Variants in LHFPL3 observed in about 807,000 individuals in gnomAD.
LHFPL3 encodes LHFPL tetraspan subfamily member 3, also known as LHFPL tetraspan subfamily member 3 protein.
Under a neutral mutation model 19.3 loss-of-function variants are expected in LHFPL3, and 5 were observed. The observed-to-expected ratio is 0.26, with a 90% CI of 0.14 to 0.54. The LOEUF (loss-of-function observed/expected upper bound fraction) is 0.54. LHFPL3 is among the 20% of genes least tolerant of loss of function. The probability of loss-of-function intolerance (pLI) is 0.94; values close to 1 mark genes in which losing one functional copy is unlikely to be tolerated. For missense variants in LHFPL3, 249 were observed against 307.4 expected (o/e 0.81, Z 1.42); for synonymous variants, 133 against 126.2 (o/e 1.05, Z -0.36).
rs182090746 is a variant in LHFPL3, at chr7:104,610,782, A to G, written c.446-125893A>G. ...GCTCATCTCATCCAGAAACACCCTC[A>G]TAGGCACACCCAGAAATAATGTTTA... On this transcript the variant is annotated intron_variant, in intron 1 of 2. Transcript: ENST00000424859. Among the ~76,000 whole-genome samples, 330 of 152,356 alleles carry G rather than the reference A, an allele frequency of 2.2e-3. 2 individuals are homozygous for G. Among genetic ancestry groups the G allele is most frequent in the African/African-American group, 7.1e-3 (296 of 41,594 alleles).
At chr7:104,573,436 AG>A in intron 1 of LHFPL3, among the ~76,000 whole-genome samples, 1 of 152,170 alleles carries the variant, frequency 6.6e-6, no homozygotes, top group African/African-American at 2.4e-5. Flanking sequence ...AAAGTAAGAA[AG>A]AAAAGACAAA....
intron 1 of LHFPL3, among the ~76,000 whole-genome samples, chr7:104,707,565 C>T (rs1156967194): frequency 1.3e-5 from 2 of 152,194 alleles, no homozygotes; most frequent in Non-Finnish European, 2.9e-5. Context: ...GAGAGAGGCT[C>T]TGCTGGGACC....
At chr7:104,525,687 A>T (rs1478118154) in intron 1 of LHFPL3, among the ~76,000 whole-genome samples, 14 of 150,730 alleles carry the variant, frequency 9.3e-5, no homozygotes, top group African/African-American at 3.4e-4. Context: ...GCTCACTGCA[A>T]CCTCCGCCTC....
At chr7:104,331,358 C>T (rs965489901) in intron 1 of LHFPL3, among the ~76,000 whole-genome samples, 3 of 152,062 alleles carry the variant, frequency 2.0e-5, no homozygotes, top group Non-Finnish European at 2.9e-5. Flanking sequence ...TGGAGAAGTC[C>T]GGATCCTTAA....
intron 1 of LHFPL3, among the ~76,000 whole-genome samples, chr7:104,673,371 C>T (rs921673050): frequency 2.0e-5 from 3 of 152,160 alleles, no homozygotes; most frequent in Non-Finnish European, 2.9e-5. Flanking sequence ...TGTATGTTCT[C>T]GTCTAACACT....
intron 1 of LHFPL3, among the ~76,000 whole-genome samples, chr7:104,366,938 T>G (rs955939251): frequency 4.6e-5 from 7 of 152,132 alleles, no homozygotes; most frequent in Non-Finnish European, 7.4e-5. Context: ...TAAATGTAGG[T>G]TTTTTTCTCA....
At chr7:104,577,646 G>T (rs1028376169) in intron 1 of LHFPL3, among the ~76,000 whole-genome samples, 2 of 152,084 alleles carry the variant, frequency 1.3e-5, no homozygotes, top group Non-Finnish European at 2.9e-5. Flanking sequence ...GTGTCACTCT[G>T]ATATTGACTG....
chr7:104,406,601 A>G (rs1248286645), intron 1 of LHFPL3, among the ~76,000 whole-genome samples: 2 of 152,248 alleles, frequency 1.3e-5, no homozygotes, highest in Non-Finnish European at 2.9e-5. Context: ...CCCAGAGCCC[A>G]TGATCTTTCC....
intron 2 of LHFPL3, among the ~76,000 whole-genome samples, chr7:104,876,474 C>G (rs561776548): frequency 4.2e-4 from 64 of 151,888 alleles, no homozygotes; most frequent in Admixed American, 1.2e-3. Context: ...AGGATATGAA[C>G]AGACACTTCT....
chr7:104,329,492 C>A (rs1307432104), intron 1 of LHFPL3, among the ~76,000 whole-genome samples: 1 of 152,228 alleles, frequency 6.6e-6, no homozygotes, highest in Non-Finnish European at 1.5e-5. Context: ...GGAGGCAGGG[C>A]GGTTGTGGGG....
At chr7:104,616,433 A>G (rs545085526) in intron 1 of LHFPL3, among the ~76,000 whole-genome samples, 13 of 152,338 alleles carry the variant, frequency 8.5e-5, no homozygotes, top group African/African-American at 3.1e-4. Flanking sequence ...CTGGCTAGCC[A>G]TATGCAGAAA....
intron 1 of LHFPL3, among the ~76,000 whole-genome samples, chr7:104,360,367 T>A (rs1234873624): frequency 6.6e-6 from 1 of 152,204 alleles, no homozygotes; most frequent in Non-Finnish European, 1.5e-5. Context: ...TGTCATACTT[T>A]ATCGTACCTG....
chr7:104,384,765 C>T (rs1318547512), intron 1 of LHFPL3, among the ~76,000 whole-genome samples: 2 of 102,806 alleles, frequency 1.9e-5, no homozygotes, highest in Non-Finnish European at 3.7e-5. Flanking sequence ...CCAGCCTAGG[C>T]AACAAGAGTG....
chr7:104,681,623 A>G (rs1792706226), intron 1 of LHFPL3, among the ~76,000 whole-genome samples: 1 of 151,014 alleles, frequency 6.6e-6, no homozygotes, highest in Non-Finnish European at 1.5e-5. Context: ...CTAAGGCTCA[A>G]AAAAAAAAGG....
intron 1 of LHFPL3, among the ~76,000 whole-genome samples, chr7:104,591,609 C>G (rs1013212791): frequency 2.6e-5 from 4 of 152,102 alleles, no homozygotes; most frequent in African/African-American, 4.8e-5. Context: ...TTGCTCTTCT[C>G]GAGGAGTATC....
intron 1 of LHFPL3, among the ~76,000 whole-genome samples, chr7:104,734,241 A>G: frequency 6.6e-6 from 1 of 151,956 alleles, no homozygotes; most frequent in Non-Finnish European, 1.5e-5. Flanking sequence ...CATTCTCTGT[A>G]TCTCCTGAAT....
chr7:104,360,587 T>C (rs1268894417), intron 1 of LHFPL3, among the ~76,000 whole-genome samples: 1 of 152,010 alleles, frequency 6.6e-6, no homozygotes, highest in Non-Finnish European at 1.5e-5. Context: ...CCCAGAAATA[T>C]ACATGGAGCT....
intron 1 of LHFPL3, among the ~76,000 whole-genome samples, chr7:104,444,311 C>T (rs988740015): frequency 1.3e-5 from 2 of 152,092 alleles, no homozygotes; most frequent in South Asian, 2.1e-4. Flanking sequence ...GTTTTTTTGG[C>T]GCTGTCAGAG....
At chr7:104,489,534 C>T (rs1166095915) in intron 1 of LHFPL3, among the ~76,000 whole-genome samples, 1 of 150,670 alleles carries the variant, frequency 6.6e-6, no homozygotes, top group Non-Finnish European at 1.5e-5. Flanking sequence ...TCTAGTGTGT[C>T]TCCATAAATA....
Sources: gnomAD v4.1 joint callset for allele counts (sites outside exome capture counted in the v4.1 genomes callset) on GRCh38, gnomAD v4.1.1 for gene constraint, MANE v1.5 for transcripts, NCBI Gene and HGNC (gene_info 2026-07-23, HGNC 2026-07-21) for gene names.